Variants in ACYP2 observed in about 807,000 individuals in gnomAD.
ACYP2 encodes acylphosphatase-2.
In ACYP2, 12 loss-of-function variants were observed where a neutral mutation model predicts 11.2. That is an observed-to-expected ratio of 1.08 (90% CI 0.69 to 1.74). ACYP2 has a LOEUF of 1.74. ACYP2 is among the 40% of genes most tolerant of loss of function. The pLI, the probability that ACYP2 is intolerant of heterozygous loss-of-function variation, is 0.00. For missense variants in ACYP2, 134 were observed against 101.9 expected, an observed-to-expected ratio of 1.31 and a Z score of -1.35; for synonymous variants, 43 against 32.2, an observed-to-expected ratio of 1.33 and a Z score of -1.13.
chr2:54,085,300 T>G (rs1572716633), intron 4 of ACYP2, among the ~76,000 whole-genome samples: 1 of 152,214 alleles, frequency 6.6e-6, no homozygotes, highest in South Asian at 2.1e-4. Flanking sequence ...TGGGTGCTTG[T>G]GGGGGTGTGA....
chr2:54,184,399 T>C lies in ACYP2; in HGVS notation c.404+45651T>C, dbSNP rs115619663. On this transcript the variant is annotated intron_variant, in intron 6 of 6. Transcript: ENST00000607452. ...TATATTTTTGTTCATGGGGACCTTATACAGTGTGAGCCCCAAGCAGCAGAC... is the reference window on the plus strand; with the variant it reads ...TATATTTTTGTTCATGGGGACCTTACACAGTGTGAGCCCCAAGCAGCAGAC... 7.5e-3 allele frequency among the ~76,000 whole-genome samples: 1,146 copies of C among 152,262 alleles called. 10 individuals carry two copies. Among genetic ancestry groups the C allele is most frequent in the African/African-American group, 0.026 (1,091 of 41,544 alleles).
intron 6 of ACYP2, among the ~76,000 whole-genome samples, chr2:54,182,216 C>T (rs534177610): frequency 1.1e-4 from 17 of 151,644 alleles, no homozygotes; most frequent in African/African-American, 3.6e-4. Context: ...CCCGCCACCA[C>T]GTCAGTCTAA....
chr2:54,290,025 TTAGCCGC>T (rs1689232059), intron 6 of ACYP2, among the ~76,000 whole-genome samples: 1 of 152,096 alleles, frequency 6.6e-6, no homozygotes, highest in Non-Finnish European at 1.5e-5. Flanking sequence ...TCTTGTGTCG[TTAGCCGC>T]CTTTCCATCC....
At chr2:54,089,222 G>C (rs1558520036) in intron 4 of ACYP2, among the ~76,000 whole-genome samples, 4 of 152,122 alleles carry the variant, frequency 2.6e-5, no homozygotes, top group Admixed American at 6.6e-5. Context: ...GATACACTAA[G>C]CAGTCAATGA....
At chr2:54,055,600 CTTAATAGCATATAT>C (rs1676100233) in intron 3 of ACYP2, among the ~76,000 whole-genome samples, 1 of 152,080 alleles carries the variant, frequency 6.6e-6, no homozygotes, top group African/African-American at 2.4e-5. Context: ...AATCGAATTT[CTTAATAGCATATAT>C]TTAGGACGTG....
Position 54,247,508 on chromosome 2 carries a change from T to A in ACYP2, c.405-57180T>A, listed in dbSNP as rs546019890. On this transcript the variant is annotated intron_variant, in intron 6 of 6. Transcript: ENST00000607452. ...GTGATTTTAGCCAACAGTGAAAGTA[T>A]CATAGGCACTACTGTATCTTATATT... Among the ~76,000 whole-genome samples, 9 of 152,310 alleles carry A rather than the reference T, an allele frequency of 5.9e-5. 1 individual carries two copies. In the East Asian group the frequency reaches 1.7e-3, roughly 29 times the overall value.
At chr2:54,304,228 G>A (rs749244782) in intron 6 of ACYP2, among the ~76,000 whole-genome samples, 1 of 104,770 alleles carries the variant, frequency 9.5e-6, no homozygotes, top group South Asian at 2.8e-4. Flanking sequence ...CTGTGTGTGT[G>A]TGTGTGTGTG....
chr2:54,279,699 C>T (rs1417801132), intron 6 of ACYP2, among the ~76,000 whole-genome samples: 1 of 152,158 alleles, frequency 6.6e-6, no homozygotes, highest in Non-Finnish European at 1.5e-5. Context: ...CCCCACTTCA[C>T]ACACTTAATG....
rs547030064 is a variant in ACYP2 at position 53,990,897 on chromosome 2, C to T, written c.62+17087C>T. 4.4e-4 allele frequency among the ~76,000 whole-genome samples: 67 copies of T among 151,752 alleles called. 1 individual carries two copies. The highest frequency in any genetic ancestry group is 3.9e-3 in the Admixed American group (59 of 15,254). Reference sequence around the variant, plus strand: ...CTGCCAGCTCCGCTTCCTGGGTTCACGCCATTCTCCTGCCTCAGCCTCCCG... The same window carrying T: ...CTGCCAGCTCCGCTTCCTGGGTTCATGCCATTCTCCTGCCTCAGCCTCCCG... On this transcript the variant is annotated intron_variant, in intron 2 of 6. Transcript: ENST00000607452.
At chr2:54,090,284 T>A (rs1455674219) in intron 4 of ACYP2, among the ~76,000 whole-genome samples, 1 of 152,156 alleles carries the variant, frequency 6.6e-6, no homozygotes, top group African/African-American at 2.4e-5. Context: ...TCTCCTGCTT[T>A]TCTACTGCAT....
chr2:54,300,434 A>G (rs192593542), intron 6 of ACYP2, among the ~76,000 whole-genome samples: 3 of 152,164 alleles, frequency 2.0e-5, no homozygotes, highest in Non-Finnish European at 4.4e-5. Context: ...GAGTTCATGT[A>G]TTCTTCCCTG....
rs2104071017 is a variant in ACYP2, at chr2:54,268,503, T to C, written c.405-36185T>C. Among the ~76,000 whole-genome samples, 2 of 152,136 alleles carry C rather than the reference T, an allele frequency of 1.3e-5. 1 individual carries two copies. The highest frequency in any genetic ancestry group is 2.9e-5 in the Non-Finnish European group (2 of 67,986). On this transcript the variant is annotated intron_variant, in intron 6 of 6. Transcript: ENST00000607452. ...TTCTTATAGTGATCTACCCAATGTA[T>C]GGAAAGAAGTAGAACTGGCTGGGTG... is the stretch of plus-strand genomic sequence containing the variant.
chr2:54,223,137 C>G (rs1164104933), intron 6 of ACYP2: 1 of 152,166 alleles, frequency 6.6e-6, no homozygotes, highest in African/African-American at 2.4e-5. Flanking sequence ...GTGAGATTCT[C>G]TTGGGAAACA....
Position 54,225,175 on chromosome 2 carries a change from T to C in ACYP2, c.405-79513T>C, listed in dbSNP as rs146353871. Among the ~76,000 whole-genome samples, 140 of 152,212 alleles carry C rather than the reference T, an allele frequency of 9.2e-4. 1 individual carries two copies. The highest frequency in any genetic ancestry group is 3.3e-3 in the African/African-American group (138 of 41,522). ...GGATACACACCATGACAAGAAACAG[T>C]CCTTCGCCCTCAAGAAATTCTCTAT... On this transcript the variant is annotated intron_variant, in intron 6 of 6. Coordinates refer to ENST00000607452, the MANE Select transcript of ACYP2 (RefSeq NM_001320586.2).
chr2:54,007,674 G>A (rs1034974899), intron 2 of ACYP2, among the ~76,000 whole-genome samples: 30 of 152,206 alleles, frequency 2.0e-4, no homozygotes, highest in African/African-American at 7.2e-4. Flanking sequence ...GAGACCATCT[G>A]GCCAACATGC....
intron 4 of ACYP2, among the ~76,000 whole-genome samples, chr2:54,095,827 G>A (rs570086535): frequency 8.0e-4 from 87 of 108,898 alleles, no homozygotes; most frequent in African/African-American, 3.0e-3. Context: ...GCGGCTGGCC[G>A]GGCAGAGGGG....
chr2:54,121,760 C>T (rs946309377), intron 4 of ACYP2, among the ~76,000 whole-genome samples: 2 of 152,222 alleles, frequency 1.3e-5, no homozygotes, highest in Admixed American at 6.5e-5. Flanking sequence ...TCCTTTTAAT[C>T]ATTCTGCTTT....
At chr2:54,302,172 C>T (rs1253459828) in intron 6 of ACYP2, among the ~76,000 whole-genome samples, 2 of 152,174 alleles carry the variant, frequency 1.3e-5, no homozygotes, top group African/African-American at 4.8e-5. Context: ...GCCCAGTAGC[C>T]CTAGTCTTGG....
intron 6 of ACYP2, among the ~76,000 whole-genome samples, chr2:54,161,451 C>T (rs79024352): frequency 0.064 from 9,677 of 152,210 alleles, 453 homozygotes; most frequent in East Asian, 0.23. Context: ...TACTCAAGGG[C>T]GTATAGCAAG....
Sources: gnomAD v4.1 joint callset for allele counts (sites outside exome capture counted in the v4.1 genomes callset) on GRCh38, gnomAD v4.1.1 for gene constraint, MANE v1.5 for transcripts, NCBI Gene and HGNC (gene_info 2026-07-23, HGNC 2026-07-21) for gene names.